ZNF335: variants seen among roughly 807,000 people sequenced by gnomAD.
ZNF335 encodes NRC-interacting factor 1.
Under a neutral mutation model 145.6 loss-of-function variants are expected in ZNF335, and 84 were observed. That is an observed-to-expected ratio of 0.58 (90% CI 0.48 to 0.69). ZNF335 has a LOEUF of 0.69. ZNF335 is among the 30% of genes least tolerant of loss of function. The probability of loss-of-function intolerance (pLI) is 0.00; values close to 1 mark genes in which losing one functional copy is unlikely to be tolerated. For missense variants in ZNF335, 1,865 were observed against 1,809.7 expected, an observed-to-expected ratio of 1.03 and a Z score of -0.55; for synonymous variants, 761 against 717.0, an observed-to-expected ratio of 1.06 and a Z score of -0.98.
At chr20:45,951,457 C>T (rs1276979135) in intron 20 of ZNF335, among the ~76,000 whole-genome samples, 1 of 152,246 alleles carries the variant, frequency 6.6e-6, no homozygotes, top group East Asian at 1.9e-4. Context: ...TGGTCCCCAC[C>T]CTTTTTGGCA....
At chr20:45,951,407 AACC>A (rs2083629083) in intron 20 of ZNF335, among the ~76,000 whole-genome samples, 1 of 152,218 alleles carries the variant, frequency 6.6e-6, no homozygotes. Flanking sequence ...GTGGCTCCCC[AACC>A]ACCTCGAACC....
rs555255506 is a variant in ZNF335 at position 45,967,531 on chromosome 20, A to G, written c.918T>C (p.Asp306=). The change falls in exon 6 of 28, where the codon GAT becomes GAC. Residue 306 remains aspartate (D), a synonymous_variant. Coordinates refer to ENST00000322927, the MANE Select transcript of ZNF335 (RefSeq NM_022095.4). ...EEEGPEEEDD[D]DIVDAGAIDD... ...CAATGGCTCCAGCGTCTACAATGTCATCATCGTCCTCCTCCTCTGGTCCCT... is the reference window on the plus strand; with the variant it reads ...CAATGGCTCCAGCGTCTACAATGTCGTCATCGTCCTCCTCCTCTGGTCCCT... 8.3e-5 allele frequency: 134 copies of G among 1,613,892 alleles called. 3 individuals carry two copies. In the South Asian group the frequency reaches 1.4e-3, roughly 17 times the overall value.
In ZNF335 at chr20:45,949,219, C is replaced by A; in HGVS notation, c.3852G>T (p.Gln1284His). The A allele has an allele frequency of 6.2e-7, 1 of 1,613,944 alleles. No homozygotes were observed. Among genetic ancestry groups the A allele is most frequent in the Non-Finnish European group, 8.5e-7 (1 of 1,180,018 alleles). Residue 1284 changes from glutamine to histidine, a missense_variant, in exon 27 of 28, where the codon CAG (glutamine) becomes CAT (histidine). Physicochemically the swap from Gln to His is conservative, Grantham distance 24. Coordinates refer to ENST00000322927, the MANE Select transcript of ZNF335 (RefSeq NM_022095.4). ...CCTCAAGTTGAGCCTGTGTGACAAGCTGCTGGCCTGGGGACACAGGCACAT... is the reference window on the plus strand; with the variant it reads ...CCTCAAGTTGAGCCTGTGTGACAAGATGCTGGCCTGGGGACACAGGCACAT... ...IQYVPVSPGQ[Q>H]LVTQAQLEAA...
Position 45,963,803 on chromosome 20 carries a change from C to T in ZNF335, c.1290G>A (p.Glu430=). The T allele has an allele frequency of 1.9e-6, 3 of 1,614,192 alleles. No homozygotes were observed. The highest frequency in any genetic ancestry group is 2.5e-6 in the Non-Finnish European group (3 of 1,180,022). The change falls in exon 8 of 28, where the codon GAG becomes GAA. Residue 430 remains glutamate, a synonymous_variant. Transcript: ENST00000322927. ...AENAAPSCPD[E]HDTLPRRRGR... is the part of the protein sequence containing the mutation. ...CTCGGCGCCGGGGCAGAGTGTCATG[C>T]TCATCCGGGCAGGAGGGGGCTGCGT...
chr20:45,952,094 A>C, intron 20 of ZNF335, 53 bp downstream of exon 20: 2 of 1,535,736 alleles, frequency 1.3e-6, no homozygotes, highest in East Asian at 4.5e-5. Context: ...TTTGTTATAC[A>C]AACGAGTAGC....
rs553038843 is a variant in ZNF335, at chr20:45,950,476, A to G, written c.3309T>C (p.Phe1103=). ...ACCGCTGCCCGCAGAGGTGGCATGC[A>G]AAAGGCTTCTCCTTTGTGTGAGTCA... ...HMLTHTKEKP[F]ACHLCGQRFN... is the part of the protein sequence containing the mutation. Residue 1103 remains phenylalanine, a synonymous_variant, in exon 21 of 28, where the codon TTT becomes TTC. Coordinates refer to ENST00000322927, the MANE Select transcript of ZNF335 (RefSeq NM_022095.4). The G allele has an allele frequency of 6.2e-7, 1 of 1,614,210 alleles. No individual in the cohort carries two copies. Among genetic ancestry groups the G allele is most frequent in the Non-Finnish European group, 8.5e-7 (1 of 1,180,046 alleles).
At chr20:45,971,885 G>A (rs2084079024) in intron 1 of ZNF335, 2 of 985,244 alleles carry the variant, frequency 2.0e-6, no homozygotes, top group South Asian at 4.7e-5. Flanking sequence ...CGACGGTCTC[G>A]GGGCCTGGCG....
rs3746506 is a variant in ZNF335 at position 45,957,397 on chromosome 20, G to A, written c.2442+189C>T. On this transcript the variant is annotated intron_variant, in intron 17 of 27. Transcript: ENST00000322927. The stretch of plus-strand genomic sequence containing the variant: ...CTGGAGAATGGACGGGATACCCTGC[G>A]GCCTCCGTGGCAAAGCCTGTTCCTC... Among the ~76,000 whole-genome samples, 96,335 of 152,170 alleles carry A rather than the reference G, an allele frequency of 0.63. 30,794 individuals carry two copies. Among genetic ancestry groups the A allele is most frequent in the African/African-American group, 0.72 (29,768 of 41,506 alleles).
intron 2 of ZNF335, among the ~76,000 whole-genome samples, chr20:45,970,863 T>C (rs1214074798): frequency 6.6e-6 from 1 of 151,242 alleles, no homozygotes; most frequent in African/African-American, 2.4e-5. Flanking sequence ...AGTGCTGGGA[T>C]TACAGGCGAT....
chr20:45,964,909 T>C (rs1297614207), intron 7 of ZNF335, among the ~76,000 whole-genome samples: 1 of 151,770 alleles, frequency 6.6e-6, no homozygotes, highest in Admixed American at 6.6e-5. Flanking sequence ...TGGGCGCCTG[T>C]GATCCCAGTT....
At position 45,952,283 on chromosome 20, in the gene ZNF335, T is replaced by A. The variant is rs753734509; in HGVS notation, c.3053A>T (p.Lys1018Met). The A allele has an allele frequency of 9.3e-6, 15 of 1,613,406 alleles. No homozygotes were observed. Among genetic ancestry groups the A allele is most frequent in the South Asian group, 2.2e-5 (2 of 91,094 alleles). Residue 1018 changes from lysine (K) to methionine (M), a missense_variant, in exon 20 of 28, where the codon AAG (lysine) becomes ATG (methionine). By Grantham distance (95) the Lys-to-Met change is moderately conservative (BLOSUM62 -1). Transcript: ENST00000322927. ...CTCGGCACAGATCTTGCAGGAAAAC[T>A]TCTTTGATGCAGCAGTGGCTGCAGA... ...PPSAATAASK[K>M]FSCKICAEAF...
intron 15 of ZNF335, among the ~76,000 whole-genome samples, chr20:45,958,580 C>T (rs1390190004): frequency 6.6e-6 from 1 of 152,188 alleles, no homozygotes; most frequent in Non-Finnish European, 1.5e-5. Context: ...TATCCTGAGG[C>T]CATCCTCCTC....
intron 10 of ZNF335, among the ~76,000 whole-genome samples, chr20:45,961,230 A>C (rs2083837948): frequency 6.6e-6 from 1 of 152,174 alleles, no homozygotes; most frequent in Admixed American, 6.5e-5. Flanking sequence ...AAAATTAGTA[A>C]ATAATAAAAA....
intron 9 of ZNF335, among the ~76,000 whole-genome samples, chr20:45,962,593 ACCGTG>A (rs2083864864): frequency 6.6e-6 from 1 of 152,046 alleles, no homozygotes; most frequent in Admixed American, 6.5e-5. Context: ...CGCTCTGACC[ACCGTG>A]CCCGGAAGTA....
At chr20:45,961,238 A>T (rs2083838122) in intron 10 of ZNF335, among the ~76,000 whole-genome samples, 1 of 152,168 alleles carries the variant, frequency 6.6e-6, no homozygotes, top group Non-Finnish European at 1.5e-5. Flanking sequence ...TAAATAATAA[A>T]AAGTTAGCCG....
chr20:45,950,620 C>A, intron 20 of ZNF335, 25 bp from the exon 21 acceptor site: 3 of 1,613,176 alleles, frequency 1.9e-6, no homozygotes, highest in South Asian at 2.2e-5. Context: ...GAGTTGGGGG[C>A]ATTGGCTGGG....
At chr20:45,954,960 T>C (rs533362406) in intron 17 of ZNF335, among the ~76,000 whole-genome samples, 1 of 152,012 alleles carries the variant, frequency 6.6e-6, no homozygotes, top group East Asian at 1.9e-4. Flanking sequence ...GGTTTCACCA[T>C]GTTGTCCAGG....
intron 2 of ZNF335, 94 bp from the exon 3 acceptor site, chr20:45,969,785 GC>G: frequency 6.6e-7 from 1 of 1,524,062 alleles, no homozygotes; most frequent in Non-Finnish European, 8.8e-7. Context: ...GAGCTCTCAG[GC>G]CCAAGGACAT....
rs1050996456 is a variant in ZNF335, at chr20:45,962,329, G to T, written c.1534-147C>A. Reference sequence around the variant, plus strand: ...GTGGACAACACACCCCGACGCAAGGGTCAAAACCTAGGAAGGCCCGGGGAC... The same window carrying T: ...GTGGACAACACACCCCGACGCAAGGTTCAAAACCTAGGAAGGCCCGGGGAC... On this transcript the variant is annotated intron_variant, in intron 9 of 27. Transcript: ENST00000322927. 6.9e-5 allele frequency: 45 copies of T among 656,138 alleles called. No individual in the cohort carries two copies. The Middle Eastern group carries it at 2.9e-3, about 42-fold the overall frequency. The allele number at this position is 656,138 out of a possible 1,614,324, so 40.6% of individuals were successfully genotyped here. A position where few individuals can be genotyped will look rare whatever the true frequency, so the allele number is the denominator to read the frequency against.
Sources: gnomAD v4.1 joint callset for allele counts (sites outside exome capture counted in the v4.1 genomes callset) on GRCh38, gnomAD v4.1.1 for gene constraint, MANE v1.5 for transcripts, NCBI Gene and HGNC (gene_info 2026-07-23, HGNC 2026-07-21) for gene names.